The following CNTN5 variants were observed in gnomAD, a reference collection of about 807,000 sequenced individuals.
CNTN5 encodes contactin 5.
CNTN5 carries 77 observed loss-of-function variants against 129.1 expected under a neutral mutation model. The observed-to-expected ratio is 0.60, with a 90% CI of 0.50 to 0.72. The LOEUF (loss-of-function observed/expected upper bound fraction) is 0.72, where lower values mean the gene tolerates loss of function less well. Ranked by LOEUF, CNTN5 falls within the 30% of genes least tolerant of loss-of-function variation. CNTN5 has a pLI of 0.00. For missense variants in CNTN5, 1,478 were observed against 1,328.8 expected (o/e 1.11, Z -1.75); for synonymous variants, 509 against 465.6 (o/e 1.09, Z -1.20).
intron 9 of CNTN5, among the ~76,000 whole-genome samples, chr11:100,019,166 CA>C (rs1345052898): frequency 6.6e-6 from 1 of 151,752 alleles, no homozygotes; most frequent in Non-Finnish European, 1.5e-5. Flanking sequence ...TCCAAATTTT[CA>C]ATTTTTTGTG....
At chr11:100,142,332 G>A (rs1946720643) in intron 13 of CNTN5, among the ~76,000 whole-genome samples, 1 of 152,096 alleles carries the variant, frequency 6.6e-6, no homozygotes, top group Non-Finnish European at 1.5e-5. Flanking sequence ...CTGTCTGTCT[G>A]CCTATCTGTC....
At chr11:99,099,357 G>A (rs547058788) in intron 1 of CNTN5, among the ~76,000 whole-genome samples, 64 of 152,098 alleles carry the variant, frequency 4.2e-4, no homozygotes, top group African/African-American at 1.4e-3. Flanking sequence ...AGCTTGAAAG[G>A]CACCATTCTC....
chr11:99,737,330 C>T (rs188142463), intron 3 of CNTN5, among the ~76,000 whole-genome samples: 104 of 152,218 alleles, frequency 6.8e-4, no homozygotes, highest in Admixed American at 2.0e-3. Flanking sequence ...CCAGTTTAAA[C>T]GTTCTTATAG....
chr11:100,292,635 C>A (rs578246470), intron 18 of CNTN5, among the ~76,000 whole-genome samples: 1 of 151,912 alleles, frequency 6.6e-6, no homozygotes, highest in African/African-American at 2.4e-5. Context: ...AAATAATATC[C>A]CCACTTCTCT....
intron 6 of CNTN5, among the ~76,000 whole-genome samples, chr11:99,912,642 A>G (rs1949691222): frequency 8.8e-6 from 1 of 114,184 alleles, no homozygotes; most frequent in South Asian, 3.3e-4. Flanking sequence ...TATGTTTTTC[A>G]TAGTTTTTTT....
intron 1 of CNTN5, among the ~76,000 whole-genome samples, chr11:99,075,801 CAAGTT>C (rs1266023585): frequency 6.6e-6 from 1 of 152,046 alleles, no homozygotes; most frequent in African/African-American, 2.4e-5. Context: ...CTTTGTTCAC[CAAGTT>C]AAGACTGATG....
intron 2 of CNTN5, among the ~76,000 whole-genome samples, chr11:99,376,572 A>G (rs1591595009): frequency 1.3e-5 from 2 of 152,304 alleles, no homozygotes; most frequent in South Asian, 4.1e-4. Flanking sequence ...AAGTCTAGTC[A>G]AGGTATCCTT....
chr11:99,463,998 T>G (rs2135247120), intron 2 of CNTN5, among the ~76,000 whole-genome samples: 1 of 152,352 alleles, frequency 6.6e-6, no homozygotes, highest in African/African-American at 2.4e-5. Flanking sequence ...TGCAAAATTA[T>G]AATATTATGA....
intron 2 of CNTN5, among the ~76,000 whole-genome samples, chr11:99,362,397 A>G (rs1374255343): frequency 6.6e-6 from 1 of 152,000 alleles, no homozygotes; most frequent in African/African-American, 2.4e-5. Flanking sequence ...TATGAGATAC[A>G]TAATTGACAA....
At chr11:99,803,151 C>T (rs576183474) in intron 3 of CNTN5, among the ~76,000 whole-genome samples, 38 of 152,276 alleles carry the variant, frequency 2.5e-4, no homozygotes, top group Non-Finnish European at 4.9e-4. Flanking sequence ...GGCTGTTGAC[C>T]CAGGTGAGCA....
intron 1 of CNTN5, among the ~76,000 whole-genome samples, chr11:99,180,598 C>T (rs1357649714): frequency 6.6e-6 from 1 of 152,178 alleles, no homozygotes; most frequent in African/African-American, 2.4e-5. Context: ...CCTCAAGGAG[C>T]TCACACAACC....
intron 18 of CNTN5, among the ~76,000 whole-genome samples, chr11:100,277,672 A>T (rs1055675917): frequency 4.6e-5 from 7 of 151,020 alleles, no homozygotes; most frequent in Admixed American, 4.6e-4. Context: ...GGTTTTTTTT[A>T]TTTTTTTTCC....
intron 6 of CNTN5, among the ~76,000 whole-genome samples, chr11:99,908,084 C>G (rs193174018): frequency 6.6e-6 from 1 of 151,964 alleles, no homozygotes; most frequent in Admixed American, 6.6e-5. Flanking sequence ...GAAAAACTAT[C>G]TTGCTTCAGG....
At chr11:99,867,447 G>C (rs147875931) in intron 6 of CNTN5, among the ~76,000 whole-genome samples, 5 of 152,138 alleles carry the variant, frequency 3.3e-5, no homozygotes, top group Admixed American at 3.3e-4. Flanking sequence ...ATTCCAATAC[G>C]GGTCTTGCAG....
At chr11:99,833,153 T>C (rs1273951748) in intron 4 of CNTN5, among the ~76,000 whole-genome samples, 1 of 152,130 alleles carries the variant, frequency 6.6e-6, no homozygotes, top group African/African-American at 2.4e-5. Context: ...TGGATGATAC[T>C]TAAAATGTCT....
At chr11:99,964,086 C>A (rs556752319) in intron 8 of CNTN5, among the ~76,000 whole-genome samples, 6 of 152,306 alleles carry the variant, frequency 3.9e-5, no homozygotes, top group South Asian at 2.1e-4. Context: ...TCTAGATATA[C>A]AATCATGTCA....
chr11:99,770,822 G>A (rs889138384), intron 3 of CNTN5, among the ~76,000 whole-genome samples: 1 of 151,958 alleles, frequency 6.6e-6, no homozygotes, highest in Non-Finnish European at 1.5e-5. Context: ...AATTTGTATG[G>A]AAACATAAAA....
At chr11:99,617,677 A>T (rs531909771) in intron 3 of CNTN5, among the ~76,000 whole-genome samples, 33 of 152,278 alleles carry the variant, frequency 2.2e-4, no homozygotes, top group Admixed American at 3.3e-4. Context: ...TATATTACCA[A>T]ATTCTGTGCA....
At chr11:99,390,538 T>C (rs1024640003) in intron 2 of CNTN5, among the ~76,000 whole-genome samples, 34 of 152,330 alleles carry the variant, frequency 2.2e-4, no homozygotes, top group East Asian at 1.3e-3. Flanking sequence ...AAACTTAAAA[T>C]AGTTGGACTT....
Sources: gnomAD v4.1 joint callset for allele counts (sites outside exome capture counted in the v4.1 genomes callset) on GRCh38, gnomAD v4.1.1 for gene constraint, MANE v1.5 for transcripts, NCBI Gene and HGNC (gene_info 2026-07-23, HGNC 2026-07-21) for gene names.